JARID2: variants seen among roughly 807,000 people sequenced by gnomAD.
JARID2 encodes protein Jumonji.
A neutral mutation model predicts 125.6 loss-of-function variants in JARID2; 21 were observed. The observed-to-expected ratio is 0.17, with a 90% CI of 0.12 to 0.24. JARID2 has a LOEUF of 0.24. JARID2 is among the 10% of genes least tolerant of loss of function. JARID2 has a pLI of 1.00. For synonymous variants in JARID2, 736 were observed against 661.6 expected (o/e 1.11, Z -1.73); for missense variants, 1,303 against 1,639.6 (o/e 0.79, Z 3.55).
intron 1 of JARID2, among the ~76,000 whole-genome samples, chr6:15,331,465 C>A (rs184152294): frequency 6.6e-6 from 1 of 152,122 alleles, no homozygotes; most frequent in African/African-American, 2.4e-5. Context: ...TTAAGAAATA[C>A]CCCAGACTGA....
chr6:15,440,004 A>G (rs1478716821), intron 3 of JARID2, among the ~76,000 whole-genome samples: 1 of 152,246 alleles, frequency 6.6e-6, no homozygotes, highest in Admixed American at 6.5e-5. Context: ...TCCGTGCCTG[A>G]AACACAGATA....
chr6:15,464,473 CT>C (rs1259852525), intron 4 of JARID2, among the ~76,000 whole-genome samples: 3 of 152,180 alleles, frequency 2.0e-5, no homozygotes, highest in South Asian at 2.1e-4. Context: ...AGTGCTCCCC[CT>C]GGTGGATGGG....
chr6:15,365,425 C>T lies in JARID2; in HGVS notation c.46-8692C>T, dbSNP rs531275491. Among the ~76,000 whole-genome samples the T allele has an allele frequency of 4.0e-4, 61 of 152,264 alleles. 1 individual carries two copies. Among genetic ancestry groups the T allele is most frequent in the Non-Finnish European group, 7.4e-4 (50 of 68,018 alleles). On this transcript the variant is annotated intron_variant, in intron 1 of 17. Coordinates refer to ENST00000341776, the MANE Select transcript of JARID2 (RefSeq NM_004973.4). ...ACTGCACCCTTTAACCATGAGCGTG[C>T]GGACGTCTTGCTGCCATGCTGCTGC...
intron 3 of JARID2, among the ~76,000 whole-genome samples, chr6:15,425,271 G>A (rs1766675632): frequency 6.6e-6 from 1 of 152,206 alleles, no homozygotes; most frequent in Non-Finnish European, 1.5e-5. Flanking sequence ...CCTCCAAGGA[G>A]CACATATGCA....
chr6:15,323,752 G>A (rs1197415552), intron 1 of JARID2, among the ~76,000 whole-genome samples: 2 of 152,064 alleles, frequency 1.3e-5, no homozygotes, highest in Non-Finnish European at 2.9e-5. Flanking sequence ...AAAATTAGCC[G>A]GGTGTGGTGG....
intron 2 of JARID2, among the ~76,000 whole-genome samples, chr6:15,406,698 C>A (rs1242680177): frequency 2.0e-5 from 3 of 152,308 alleles, no homozygotes; most frequent in Non-Finnish European, 4.4e-5. Context: ...ATTTTGCTTA[C>A]ATAAAATCGT....
intron 1 of JARID2, among the ~76,000 whole-genome samples, chr6:15,288,924 G>C (rs1761101127): frequency 1.3e-5 from 2 of 152,236 alleles, no homozygotes; most frequent in African/African-American, 2.4e-5. Context: ...ACCCAAGCCG[G>C]AGATGAGTCA....
At chr6:15,413,664 T>C (rs1331559313) in intron 3 of JARID2, among the ~76,000 whole-genome samples, 1 of 152,190 alleles carries the variant, frequency 6.6e-6, no homozygotes, top group Non-Finnish European at 1.5e-5. Context: ...TGGAATGTAG[T>C]GGTGTGATCA....
chr6:15,513,840 C>T (rs974271759), intron 16 of JARID2, among the ~76,000 whole-genome samples: 4 of 152,252 alleles, frequency 2.6e-5, no homozygotes, highest in African/African-American at 9.6e-5. Flanking sequence ...CACCTGGGCC[C>T]ATGGCCTCTG....
At chr6:15,361,171 T>A (rs1267566965) in intron 1 of JARID2, among the ~76,000 whole-genome samples, 1 of 152,190 alleles carries the variant, frequency 6.6e-6, no homozygotes, top group Non-Finnish European at 1.5e-5. Flanking sequence ...CCACATCTAG[T>A]CTGTCAGCCT....
intron 1 of JARID2, among the ~76,000 whole-genome samples, chr6:15,360,259 G>A (rs1025855921): frequency 1.3e-5 from 2 of 151,828 alleles, no homozygotes; most frequent in African/African-American, 4.8e-5. Context: ...CTCAGTTCAC[G>A]GCAATGCCTC....
At chr6:15,268,208 A>G (rs1461187951) in intron 1 of JARID2, among the ~76,000 whole-genome samples, 1 of 152,236 alleles carries the variant, frequency 6.6e-6, no homozygotes, top group Non-Finnish European at 1.5e-5. Context: ...GGGTAGAGCT[A>G]GATTTTCCGA....
chr6:15,515,193 A>G, intron 16 of JARID2, among the ~76,000 whole-genome samples: 1 of 151,090 alleles, frequency 6.6e-6, no homozygotes, highest in Admixed American at 6.6e-5. Flanking sequence ...GTGTACCACC[A>G]CGCCTGGTTA....
chr6:15,371,161 G>T (rs924176427), intron 1 of JARID2, among the ~76,000 whole-genome samples: 1 of 152,144 alleles, frequency 6.6e-6, no homozygotes, highest in Non-Finnish European at 1.5e-5. Flanking sequence ...CCTTAAATGC[G>T]CTTCCTTTCT....
intron 17 of JARID2, among the ~76,000 whole-genome samples, chr6:15,517,759 G>C (rs1771635030): frequency 6.6e-6 from 1 of 152,214 alleles, no homozygotes; most frequent in Admixed American, 6.5e-5. Context: ...TGGAGAGGGG[G>C]GTCATAACAA....
intron 7 of JARID2, 88 bp downstream of exon 7, chr6:15,497,258 C>T: frequency 9.5e-7 from 1 of 1,052,964 alleles, no homozygotes; most frequent in Non-Finnish European, 1.4e-6. Flanking sequence ...CGTTCTCTTC[C>T]CTTGCGAAAG....
At chr6:15,312,191 A>T (rs1370363395) in intron 1 of JARID2, among the ~76,000 whole-genome samples, 1 of 151,968 alleles carries the variant, frequency 6.6e-6, no homozygotes, top group African/African-American at 2.4e-5. Flanking sequence ...ATTAGCTGGG[A>T]TTACAGGCGT....
chr6:15,273,164 A>G (rs917722446), intron 1 of JARID2, among the ~76,000 whole-genome samples: 4 of 152,090 alleles, frequency 2.6e-5, no homozygotes, highest in African/African-American at 9.7e-5. Flanking sequence ...TATGCCTGGA[A>G]ACATCGCAGT....
chr6:15,344,998 T>C (rs945272232), intron 1 of JARID2, among the ~76,000 whole-genome samples: 3 of 152,212 alleles, frequency 2.0e-5, no homozygotes, highest in Non-Finnish European at 2.9e-5. Context: ...CAAAATCATA[T>C]AATGCATGTT....
Sources: gnomAD v4.1 joint callset for allele counts (sites outside exome capture counted in the v4.1 genomes callset) on GRCh38, gnomAD v4.1.1 for gene constraint, MANE v1.5 for transcripts, NCBI Gene and HGNC (gene_info 2026-07-23, HGNC 2026-07-21) for gene names.